The following AKAP13 variants were observed in gnomAD, a reference collection of about 807,000 sequenced individuals.
The protein encoded by AKAP13 is A-kinase anchor protein 13.
AKAP13 carries 80 observed loss-of-function variants against 264.5 expected under a neutral mutation model. The observed-to-expected ratio is 0.30, with a 90% CI of 0.25 to 0.36. The LOEUF (loss-of-function observed/expected upper bound fraction) is 0.36. Among genes scored for constraint, AKAP13 ranks in the 10% least tolerant of loss-of-function variants. AKAP13 has a pLI of 1.00. For synonymous variants in AKAP13, 1,380 were observed against 1,250.2 expected, an observed-to-expected ratio of 1.10 and a Z score of -2.19; for missense variants, 3,712 against 3,435.2, an observed-to-expected ratio of 1.08 and a Z score of -2.01.
At position 85,743,968 on chromosome 15, in the gene AKAP13, C is replaced by G. The variant is rs768430094; in HGVS notation, c.8392+143C>G. ...AAACTGCCATCCTTTTCACCAGCTC[C>G]GCTTGCTAAGAGCACTCATGCAGCG... On this transcript the variant is annotated intron_variant, in intron 36 of 36. Transcript: ENST00000394518. 8.2e-6 allele frequency: 8 copies of G among 970,022 alleles called. No individual in the cohort carries two copies. The African/African-American group carries it at 1.2e-4, about 14-fold the overall frequency. The allele number at this position is 970,022 out of a possible 1,614,324, so 60.1% of individuals were successfully genotyped here.
In AKAP13 at chr15:85,655,784, G is replaced by T. The variant is rs779545910; in HGVS notation, c.4742G>T (p.Arg1581Leu). Residue 1581 changes from arginine (R) to leucine (L), a missense_variant, in exon 11 of 37, where the codon CGG becomes CTG. Physicochemically the swap from Arg to Leu is moderately radical, Grantham distance 102. This residue lies in a region of AKAP13 where 2,759 missense variants were observed against 2,411.7 expected (regional missense o/e 1.14). Coordinates refer to ENST00000394518, the MANE Select transcript of AKAP13 (RefSeq NM_007200.5). ...NAASDAEMNH[R>L]SSMRVLGDVV... is the part of the protein sequence containing the mutation. ...GCCAGCGATGCAGAAATGAACCACC[G>T]GAGGTGAGATGGGAGGCGGTTTGTT... is the stretch of plus-strand genomic sequence containing the variant. 4.4e-6 allele frequency: 7 copies of T among 1,603,316 alleles called. No individual in the cohort carries two copies. In the East Asian group the frequency reaches 1.6e-4, roughly 36 times the overall value.
At chr15:85,522,599 C>G (rs1476013034) in intron 3 of AKAP13, among the ~76,000 whole-genome samples, 1 of 152,116 alleles carries the variant, frequency 6.6e-6, no homozygotes, top group Non-Finnish European at 1.5e-5. Flanking sequence ...GATCCTTGTA[C>G]ATTGTCCTCA....
chr15:85,525,057 A>AT (rs1567105270), intron 3 of AKAP13, among the ~76,000 whole-genome samples: 3 of 103,590 alleles, frequency 2.9e-5, no homozygotes, highest in East Asian at 4.9e-4. Context: ...TCTATCTTTA[A>AT]ATTTTTTTTT....
At chr15:85,713,822 G>A (rs2086765539) in intron 19 of AKAP13, among the ~76,000 whole-genome samples, 3 of 152,060 alleles carry the variant, frequency 2.0e-5, no homozygotes, top group South Asian at 2.1e-4. Flanking sequence ...CCTGGGGATG[G>A]ACAGATAATG....
chr15:85,543,329 C>A (rs1399820302), intron 4 of AKAP13, among the ~76,000 whole-genome samples: 3 of 152,174 alleles, frequency 2.0e-5, no homozygotes, highest in African/African-American at 7.2e-5. Context: ...AGTAATTATA[C>A]CATTTATGAT....
intron 30 of AKAP13, among the ~76,000 whole-genome samples, chr15:85,733,873 C>CTTTTTTTTTTTTTTTTTTTTTTTTT (rs72092500): frequency 2.4e-5 from 2 of 82,592 alleles, no homozygotes; most frequent in African/African-American, 5.0e-5. Flanking sequence ...TCTTTCTTTT[C>CTTTTTTTTTTTTTTTTTTTTTTTTT]TTTTTTTTTT....
intron 16 of AKAP13, among the ~76,000 whole-genome samples, chr15:85,686,190 C>CGTGTGTGTGT (rs372002113): frequency 1.6e-5 from 1 of 63,630 alleles, no homozygotes; most frequent in Non-Finnish European, 2.6e-5. Flanking sequence ...CACGTGCATG[C>CGTGTGTGTGT]ATGTGTGTGT....
intron 30 of AKAP13, among the ~76,000 whole-genome samples, chr15:85,733,266 A>G (rs2088185291): frequency 6.6e-6 from 1 of 152,116 alleles, no homozygotes; most frequent in African/African-American, 2.4e-5. Flanking sequence ...TTCTTCCCCA[A>G]GGTATTAATT....
chr15:85,680,163 A>G (rs1243702459), intron 14 of AKAP13, among the ~76,000 whole-genome samples: 3 of 152,176 alleles, frequency 2.0e-5, no homozygotes, highest in Non-Finnish European at 4.4e-5. Flanking sequence ...TTTAGTTCAT[A>G]TTACTAGGGT....
chr15:85,409,161 T>C (rs1320298832), intron 1 of AKAP13, among the ~76,000 whole-genome samples: 1 of 151,772 alleles, frequency 6.6e-6, no homozygotes, highest in Non-Finnish European at 1.5e-5. Context: ...TTGCCTGTTT[T>C]TCATTTTTAT....
rs1318608773 is a variant in AKAP13 at position 85,727,472 on chromosome 15, T to C, written c.7087+9T>C. On this transcript the variant is annotated intron_variant, in intron 29 of 36. Transcript: ENST00000394518. The surrounding 1 kb of genome is among the most constrained non-coding windows in gnomAD (Gnocchi z 5.3). ...AGCCCGAGAATTAAAAGGTGAGGCA[T>C]TGCGAGTGGTCTGAGCCCCTTGTCT... The C allele has an allele frequency of 2.5e-6, 4 of 1,613,720 alleles. No individual in the cohort carries two copies. Among genetic ancestry groups the C allele is most frequent in the East Asian group, 2.2e-5 (1 of 44,882 alleles).
At chr15:85,520,581 A>T (rs898286753) in intron 2 of AKAP13, 11 of 505,230 alleles carry the variant, frequency 2.2e-5, no homozygotes, top group Non-Finnish European at 4.3e-5. Flanking sequence ...AGACAAAGTT[A>T]TTGGCTCAAG....
At chr15:85,521,668 G>C in intron 3 of AKAP13, 93 bp downstream of exon 3, 1 of 1,355,430 alleles carries the variant, frequency 7.4e-7, no homozygotes, top group South Asian at 1.7e-5. Context: ...GAAGAGTGAA[G>C]TGTAGACAGT....
chr15:85,439,199 G>C (rs2073495676), intron 1 of AKAP13, among the ~76,000 whole-genome samples: 1 of 151,560 alleles, frequency 6.6e-6, no homozygotes. Context: ...CATTTATGCA[G>C]CCAAAAAACA....
At chr15:85,559,372 G>T (rs183429063) in intron 5 of AKAP13, among the ~76,000 whole-genome samples, 4 of 152,060 alleles carry the variant, frequency 2.6e-5, no homozygotes, top group African/African-American at 9.7e-5. Flanking sequence ...TGGCACCAGG[G>T]ACTGGTTTTG....
At chr15:85,554,608 T>C (rs2078074551) in intron 5 of AKAP13, among the ~76,000 whole-genome samples, 1 of 152,134 alleles carries the variant, frequency 6.6e-6, no homozygotes, top group South Asian at 2.1e-4. Flanking sequence ...TTAAGTCTAA[T>C]ACTCAGAAGT....
At chr15:85,642,616 G>A (rs2082360430) in intron 9 of AKAP13, among the ~76,000 whole-genome samples, 1 of 152,008 alleles carries the variant, frequency 6.6e-6, no homozygotes, top group Non-Finnish European at 1.5e-5. Context: ...CCTTCTTTCT[G>A]TACTTTTCCC....
intron 1 of AKAP13, among the ~76,000 whole-genome samples, chr15:85,403,325 C>A (rs1012780226): frequency 6.6e-6 from 1 of 152,128 alleles, no homozygotes; most frequent in African/African-American, 2.4e-5. Flanking sequence ...CATGGTGGTA[C>A]CTAATGCAAG....
At chr15:85,417,476 A>G (rs1263677887) in intron 1 of AKAP13, among the ~76,000 whole-genome samples, 1 of 152,210 alleles carries the variant, frequency 6.6e-6, no homozygotes, top group Non-Finnish European at 1.5e-5. Context: ...GGAATGTAGT[A>G]TTGGTCAAGG....
Sources: gnomAD v4.1 joint callset for allele counts (sites outside exome capture counted in the v4.1 genomes callset) on GRCh38, gnomAD v4.1.1 for gene constraint, gnomAD v4.1.1 regional missense constraint, Gnocchi (gnomAD v3.1) non-coding constraint, MANE v1.5 for transcripts, NCBI Gene and HGNC (gene_info 2026-07-23, HGNC 2026-07-21) for gene names.